Variants in LAMA1 observed in about 807,000 individuals in gnomAD.
LAMA1 encodes laminin subunit alpha 1.
Under a neutral mutation model 348.7 loss-of-function variants are expected in LAMA1, and 219 were observed. That is an observed-to-expected ratio of 0.63 (90% CI 0.56 to 0.70). LAMA1 has a LOEUF of 0.70. LAMA1 is among the 30% of genes least tolerant of loss of function. The pLI, the probability that LAMA1 is intolerant of heterozygous loss-of-function variation, is 0.00. For missense variants in LAMA1, 3,744 were observed against 3,888.0 expected (o/e 0.96, Z 0.99); for synonymous variants, 1,487 against 1,491.0 (o/e 1.00, Z 0.06).
Position 7,087,224 on chromosome 18 carries a change from T to C in LAMA1, c.62-6767A>G, listed in dbSNP as rs150689464. Among the ~76,000 whole-genome samples, 1,232 of 152,288 alleles carry C rather than the reference T, an allele frequency of 8.1e-3. 18 individuals carry two copies. Among genetic ancestry groups the C allele is most frequent in the African/African-American group, 0.028 (1,162 of 41,552 alleles). On this transcript the variant is annotated intron_variant, in intron 1 of 62. Transcript: ENST00000389658. The stretch of plus-strand genomic sequence containing the variant: ...CCTGGTTGAGGTATTGCAGGTAAAA[T>C]CAAAGTTCATCAAGTCTTTAAATCT...
chr18:7,096,233 TTCTGTC>T (rs558176967), intron 1 of LAMA1, among the ~76,000 whole-genome samples: 55 of 152,340 alleles, frequency 3.6e-4, no homozygotes, highest in African/African-American at 1.3e-3. Context: ...ACCCTGCTCT[TTCTGTC>T]TCCATGACAG....
chr18:7,008,471 G>T lies in LAMA1; in HGVS notation c.4122+17C>A, dbSNP rs763950638. The T allele has an allele frequency of 6.8e-6, 11 of 1,613,386 alleles. No individual in the cohort carries two copies. The highest frequency in any genetic ancestry group is 3.3e-5 in the South Asian group (3 of 90,988). On this transcript the variant is annotated intron_variant, in intron 28 of 62. Coordinates refer to ENST00000389658, the MANE Select transcript of LAMA1 (RefSeq NM_005559.4). ...AACTCAAACCCAGGAAATAGATTTC[G>T]ACTAGAGTCTCCGTACCTGACATGA...
At position 7,080,443 on chromosome 18, in the gene LAMA1, T is replaced by C. The variant is rs2058188803; in HGVS notation, c.76A>G (p.Ile26Val). 1 of 1,614,206 alleles carries C rather than the reference T, an allele frequency of 6.2e-7. No individual in the cohort carries two copies. Among genetic ancestry groups the C allele is most frequent in the Non-Finnish European group, 8.5e-7 (1 of 1,180,040 alleles). ...QCRQRGLFPA[I>V]LNLASNAHIS... ...TGAGCATTGCTGGCAAGATTGAGAATGGCAGGAAACAGGCCTGAAAGTGAA... is the reference window on the plus strand; with the variant it reads ...TGAGCATTGCTGGCAAGATTGAGAACGGCAGGAAACAGGCCTGAAAGTGAA... Residue 26 changes from isoleucine (I) to valine (V), a missense_variant, in exon 2 of 63, where the codon ATT becomes GTT. Coordinates refer to ENST00000389658, the MANE Select transcript of LAMA1 (RefSeq NM_005559.4).
chr18:7,108,164 C>G (rs979979936), intron 1 of LAMA1, among the ~76,000 whole-genome samples: 1 of 151,026 alleles, frequency 6.6e-6, no homozygotes, highest in East Asian at 2.0e-4. Flanking sequence ...AGTGAAACTC[C>G]GTCTCTACTA....
chr18:7,117,175 C>T (rs1378012837), intron 1 of LAMA1, among the ~76,000 whole-genome samples: 1 of 152,208 alleles, frequency 6.6e-6, no homozygotes, highest in Non-Finnish European at 1.5e-5. Flanking sequence ...CTTTCCCGGC[C>T]GCCGCGACCC....
At chr18:7,063,711 G>A (rs368986690) in intron 3 of LAMA1, among the ~76,000 whole-genome samples, 20 of 152,282 alleles carry the variant, frequency 1.3e-4, no homozygotes, top group African/African-American at 4.3e-4. Context: ...ACATAGATAA[G>A]CCTTGAGGAC....
chr18:6,977,557 T>C (rs2057688003), intron 44 of LAMA1, among the ~76,000 whole-genome samples, 170 bp downstream of exon 44: 1 of 152,238 alleles, frequency 6.6e-6, no homozygotes, highest in Non-Finnish European at 1.5e-5. Flanking sequence ...AGCTAGTTAT[T>C]GGCTTTAAAT....
chr18:7,088,542 G>A (rs1207488412), intron 1 of LAMA1, among the ~76,000 whole-genome samples: 3 of 151,800 alleles, frequency 2.0e-5, no homozygotes, highest in African/African-American at 7.3e-5. Context: ...TTTGGAGATA[G>A]GTTTTTATTC....
chr18:7,082,243 CATT>C (rs1464638195), intron 1 of LAMA1, among the ~76,000 whole-genome samples: 1 of 152,114 alleles, frequency 6.6e-6, no homozygotes, highest in Non-Finnish European at 1.5e-5. Flanking sequence ...TACTCTAAAG[CATT>C]ATTCTTAATT....
At chr18:7,029,612 A>G (rs2144155288) in intron 16 of LAMA1, among the ~76,000 whole-genome samples, 1 of 152,090 alleles carries the variant, frequency 6.6e-6, no homozygotes, top group South Asian at 2.1e-4. Flanking sequence ...CCTTTACCTG[A>G]CTGTCCCTGT....
chr18:6,999,353 T>A, intron 32 of LAMA1, 92 bp downstream of exon 32: 1 of 1,242,820 alleles, frequency 8.0e-7, no homozygotes, highest in Non-Finnish European at 1.2e-6. Context: ...ATGTTTTTAT[T>A]CTGCAGACAC....
intron 21 of LAMA1, 152 bp from the exon 22 acceptor site, chr18:7,016,010 ATG>A: frequency 1.1e-6 from 1 of 891,256 alleles, no homozygotes; most frequent in Non-Finnish European, 1.8e-6. Context: ...TCCATGTCTC[ATG>A]GAGGTAGCCG....
At chr18:7,018,420 G>A (rs1410309723) in intron 19 of LAMA1, among the ~76,000 whole-genome samples, 1 of 147,116 alleles carries the variant, frequency 6.8e-6, no homozygotes, top group Non-Finnish European at 1.5e-5. Flanking sequence ...TTTTGAGACG[G>A]AGTGTCACTC....
Position 6,958,572 on chromosome 18 carries a change from C to T in LAMA1, c.7869G>A (p.Leu2623=), listed in dbSNP as rs766776050. 4 of 1,614,054 alleles carry T rather than the reference C, an allele frequency of 2.5e-6. No homozygotes were observed. The African/African-American group carries it at 5.3e-5, about 22-fold the overall frequency. The change falls in exon 55 of 63, where the codon CTG becomes CTA. Residue 2623 remains leucine (L), a synonymous_variant. Coordinates refer to ENST00000389658, the MANE Select transcript of LAMA1 (RefSeq NM_005559.4). ...CTCCCTCTGGAATTCCCCCGACGTA[C>T]AGATTGGACACATTTATCGTCCTGC... ...VESRTINVSN[L]YVGGIPEGEG... is the part of the protein sequence containing the mutation.
chr18:6,959,225 TG>T, intron 54 of LAMA1, 115 bp downstream of exon 54: 1 of 1,318,474 alleles, frequency 7.6e-7, no homozygotes, highest in Non-Finnish European at 1.1e-6. Flanking sequence ...TAGAATCGTC[TG>T]GATGCCGATG....
chr18:7,062,578 G>C (rs1329254105), intron 3 of LAMA1, among the ~76,000 whole-genome samples: 1 of 152,208 alleles, frequency 6.6e-6, no homozygotes, highest in Non-Finnish European at 1.5e-5. Flanking sequence ...ATGAGAGATG[G>C]TGGTGCTGAC....
At chr18:7,013,675 T>G in intron 23 of LAMA1, 140 bp downstream of exon 23, 1 of 773,010 alleles carries the variant, frequency 1.3e-6, no homozygotes, top group Non-Finnish European at 2.3e-6. Flanking sequence ...CATAAGAGAC[T>G]TTGAACTCAG....
rs570323597 is a variant in LAMA1, at chr18:7,075,552, G to A, written c.345+4423C>T. Among the ~76,000 whole-genome samples the A allele has an allele frequency of 3.3e-5, 5 of 152,260 alleles. No homozygotes were observed. The South Asian group carries it at 1.0e-3, about 32-fold the overall frequency. On this transcript the variant is annotated intron_variant, in intron 3 of 62. Coordinates refer to ENST00000389658, the MANE Select transcript of LAMA1 (RefSeq NM_005559.4). ...CAGGAGAATCGCTTGAACCCTGGGA[G>A]GCGGAGGTTGCAGTGAGCCGAGATC...
chr18:6,994,901 G>A (rs987210762), intron 34 of LAMA1, among the ~76,000 whole-genome samples: 1 of 152,106 alleles, frequency 6.6e-6, no homozygotes, highest in African/African-American at 2.4e-5. Context: ...CCTGAAGCCT[G>A]AAGTTTGCAC....
Sources: allele counts gnomAD v4.1 joint callset (sites outside exome capture counted in the v4.1 genomes callset), GRCh38; gene constraint gnomAD v4.1.1; transcripts MANE v1.5; gene names NCBI Gene and HGNC (gene_info 2026-07-23, HGNC 2026-07-21).